Variants in PARP11 observed in about 807,000 individuals in gnomAD.
The protein encoded by PARP11 is protein mono-ADP-ribosyltransferase PARP11.
A neutral mutation model predicts 42.9 loss-of-function variants in PARP11; 31 were observed. The ratio of observed to expected loss-of-function variants is 0.72; its 90% CI spans 0.54 to 0.98. The LOEUF (loss-of-function observed/expected upper bound fraction) is 0.98, where lower values mean the gene tolerates loss of function less well. PARP11 is among the 50% of genes least tolerant of loss of function. The pLI is 0.00. For synonymous variants in PARP11, 137 were observed against 127.3 expected, an observed-to-expected ratio of 1.08 and a Z score of -0.51; for missense variants, 365 against 413.1, an observed-to-expected ratio of 0.88 and a Z score of 1.01.
intron 1 of PARP11, among the ~76,000 whole-genome samples, chr12:3,839,289 C>G (rs539423004): frequency 6.6e-6 from 1 of 151,700 alleles, no homozygotes; most frequent in South Asian, 2.1e-4. Context: ...TGGCCTGCAG[C>G]AGGACCAGCA....
chr12:3,824,073 G>C (rs1947465379), intron 4 of PARP11, among the ~76,000 whole-genome samples: 1 of 152,118 alleles, frequency 6.6e-6, no homozygotes, highest in African/African-American at 2.4e-5. Context: ...TGCTGTCTTT[G>C]AATGTACCTA....
intron 4 of PARP11, 42 bp downstream of exon 4, chr12:3,826,116 A>C: frequency 7.9e-7 from 1 of 1,265,138 alleles, no homozygotes; most frequent in South Asian, 1.4e-5. Flanking sequence ...ATAGTAAGAA[A>C]AAAAAAACCC....
In PARP11 at chr12:3,840,539, C is replaced by T; in HGVS notation, c.19-10521G>A. 2.5e-6 allele frequency: 4 copies of T among 1,604,418 alleles called. No individual in the cohort carries two copies. The highest frequency in any genetic ancestry group is 3.4e-6 in the Non-Finnish European group (4 of 1,171,138). On this transcript the variant is annotated intron_variant, in intron 1 of 7. Transcript: ENST00000228820. This position sits in a 1 kb window ranked among gnomAD's most constrained non-coding sequence, Gnocchi z 4.4. ...AGTGAGCACAAAAATCTTAGCCGGACACCTTCACAGATCATAAGAAAACCT... is the reference window on the plus strand; with the variant it reads ...AGTGAGCACAAAAATCTTAGCCGGATACCTTCACAGATCATAAGAAAACCT...
chr12:3,830,465 G>A (rs1591771043), intron 1 of PARP11, among the ~76,000 whole-genome samples: 1 of 152,156 alleles, frequency 6.6e-6, no homozygotes, highest in Admixed American at 6.5e-5. Flanking sequence ...GGTGTTGAGT[G>A]TAAAAGATTA....
chr12:3,849,404 T>C (rs944165167), intron 1 of PARP11, among the ~76,000 whole-genome samples: 5 of 152,162 alleles, frequency 3.3e-5, no homozygotes, highest in Non-Finnish European at 5.9e-5. Context: ...GGAATCAACC[T>C]AAGTATCCAT....
In PARP11 at chr12:3,840,067, T is replaced by A; in HGVS notation, c.19-10049A>T. 6.2e-7 allele frequency: 1 copy of A among 1,609,368 alleles called. No individual in the cohort carries two copies. The highest frequency in any genetic ancestry group is 8.5e-7 in the Non-Finnish European group (1 of 1,175,592). ...TCTTAAGTCACTCAATCCTGCAGTC[T>A]ATAGAAATGTGGAATATGAAATTTG... On this transcript the variant is annotated intron_variant, in intron 1 of 7. Coordinates refer to ENST00000228820, the MANE Select transcript of PARP11 (RefSeq NM_020367.6). The surrounding 1 kb of genome is among the most constrained non-coding windows in gnomAD (Gnocchi z 4.4).
rs141110879 is a variant in PARP11 at position 3,861,236 on chromosome 12, C to A, written c.18+11976G>T. ...CAGGGCCAGAATGTTATAGACTAAA[C>A]GTTTGTGTCCTTGCCAAATTATTAT... is the stretch of plus-strand genomic sequence containing the variant. On this transcript the variant is annotated intron_variant, in intron 1 of 7. Coordinates refer to ENST00000228820, the MANE Select transcript of PARP11 (RefSeq NM_020367.6). The surrounding 1 kb of genome is among the most constrained non-coding windows in gnomAD (Gnocchi z 4.6). Among the ~76,000 whole-genome samples, 2 of 152,208 alleles carry A rather than the reference C, an allele frequency of 1.3e-5. No individual in the cohort carries two copies. The highest frequency in any genetic ancestry group is 4.8e-5 in the African/African-American group (2 of 41,518).
chr12:3,813,850 T>C (rs567429931), intron 7 of PARP11, among the ~76,000 whole-genome samples, 187 bp downstream of exon 7: 1 of 152,340 alleles, frequency 6.6e-6, no homozygotes, highest in South Asian at 2.1e-4. Context: ...TTACCTATGA[T>C]TTTCTTAAAA....
At chr12:3,839,330 G>A in intron 1 of PARP11, 1 of 1,531,740 alleles carries the variant, frequency 6.5e-7, no homozygotes, top group Admixed American at 2.0e-5. Context: ...GTCCCCGACG[G>A]CGAGGACCAG....
intron 1 of PARP11, chr12:3,864,040 A>G (rs7310728): frequency 0.18 from 27,659 of 152,194 alleles, 3,293 homozygotes; most frequent in East Asian, 0.51. Flanking sequence ...AGAATGGGCA[A>G]GGTTTCAACA....
chr12:3,859,905 G>C (rs1948267145), intron 1 of PARP11, among the ~76,000 whole-genome samples: 1 of 152,182 alleles, frequency 6.6e-6, no homozygotes, highest in African/African-American at 2.4e-5. Flanking sequence ...AGATGTAACA[G>C]TTATAAAGAT....
intron 6 of PARP11, among the ~76,000 whole-genome samples, chr12:3,816,496 G>T (rs1218524169): frequency 6.6e-6 from 1 of 152,166 alleles, no homozygotes; most frequent in Middle Eastern, 3.2e-3. Context: ...TTCCTGAAAA[G>T]AAACTTTCTC....
intron 1 of PARP11, among the ~76,000 whole-genome samples, chr12:3,838,837 C>T (rs990943459): frequency 1.3e-5 from 2 of 152,180 alleles, no homozygotes; most frequent in African/African-American, 4.8e-5. Flanking sequence ...CCTCGGCTCC[C>T]GGCGTGGGGA....
chr12:3,823,897 C>G (rs1053953802), intron 4 of PARP11, among the ~76,000 whole-genome samples: 2 of 143,736 alleles, frequency 1.4e-5, no homozygotes, highest in Non-Finnish European at 3.0e-5. Context: ...GCCTGGGCAA[C>G]AGAGTAAGAC....
At chr12:3,854,427 G>C (rs911098867) in intron 1 of PARP11, among the ~76,000 whole-genome samples, 1 of 152,022 alleles carries the variant, frequency 6.6e-6, no homozygotes, top group Non-Finnish European at 1.5e-5. Context: ...GAATCAAATA[G>C]ACACAATAAA....
chr12:3,828,892 T>C lies in PARP11; in HGVS notation c.268+18A>G. On this transcript the variant is annotated intron_variant, in intron 3 of 7. Coordinates refer to ENST00000228820, the MANE Select transcript of PARP11 (RefSeq NM_020367.6). ...TCAATATACTAAAAACACACAACTA[T>C]TAGGGAAAAAAACATACCTGCAAAG... The C allele has an allele frequency of 6.2e-7, 1 of 1,610,712 alleles. No individual in the cohort carries two copies. Among genetic ancestry groups the C allele is most frequent in the Non-Finnish European group, 8.5e-7 (1 of 1,177,642 alleles).
At chr12:3,822,262 A>T (rs1386562737) in intron 4 of PARP11, 105 bp from the exon 5 acceptor site, 1 of 858,510 alleles carries the variant, frequency 1.2e-6, no homozygotes, top group African/African-American at 1.7e-5. Context: ...GGGTATTGTG[A>T]CAAATGCAAT....
chr12:3,818,068 C>T (rs1239005266), intron 6 of PARP11, among the ~76,000 whole-genome samples: 1 of 152,202 alleles, frequency 6.6e-6, no homozygotes, highest in Non-Finnish European at 1.5e-5. Context: ...TCTGCCCTTA[C>T]ATTTGTACTG....
In PARP11 at chr12:3,861,028, A is replaced by G. The variant is rs1353823763; in HGVS notation, c.18+12184T>C. Reference sequence around the variant, plus strand: ...TTTGGTTTCACAGGGTCACAGCTGGAGGAGAATTTGCCTCAGGATGAATCA... The same window carrying G: ...TTTGGTTTCACAGGGTCACAGCTGGGGGAGAATTTGCCTCAGGATGAATCA... On this transcript the variant is annotated intron_variant, in intron 1 of 7. Transcript: ENST00000228820. The surrounding 1 kb of genome is among the most constrained non-coding windows in gnomAD (Gnocchi z 4.6). Among the ~76,000 whole-genome samples, 1 of 152,178 alleles carries G rather than the reference A, an allele frequency of 6.6e-6. No individual in the cohort carries two copies. Among genetic ancestry groups the G allele is most frequent in the Non-Finnish European group, 1.5e-5 (1 of 68,028 alleles).
Sources: gnomAD v4.1 joint callset for allele counts (sites outside exome capture counted in the v4.1 genomes callset) on GRCh38, gnomAD v4.1.1 for gene constraint, Gnocchi (gnomAD v3.1) non-coding constraint, MANE v1.5 for transcripts, NCBI Gene and HGNC (gene_info 2026-07-23, HGNC 2026-07-21) for gene names.